NELL1: variants seen among roughly 807,000 people sequenced by gnomAD.
The protein encoded by NELL1 is protein kinase C-binding protein NELL1.
Under a neutral mutation model 107.4 loss-of-function variants are expected in NELL1, and 76 were observed. The observed-to-expected ratio is 0.71, with a 90% CI of 0.59 to 0.86. NELL1 has a LOEUF of 0.86. NELL1 is among the 40% of genes least tolerant of loss of function. The pLI is 0.00. For synonymous variants in NELL1, 353 were observed against 341.2 expected (o/e 1.03, Z -0.38); for missense variants, 1,024 against 1,005.5 (o/e 1.02, Z -0.25).
intron 15 of NELL1, among the ~76,000 whole-genome samples, chr11:21,457,158 A>G (rs1279129764): frequency 6.6e-6 from 1 of 152,204 alleles, no homozygotes; most frequent in Non-Finnish European, 1.5e-5. Context: ...GTTCTACCTG[A>G]GCAAGCAGGA....
chr11:20,757,146 T>G (rs536687685), intron 2 of NELL1, among the ~76,000 whole-genome samples: 1 of 152,104 alleles, frequency 6.6e-6, no homozygotes, highest in Non-Finnish European at 1.5e-5. Context: ...TCTGGCTTCA[T>G]TTTCCTTTAC....
chr11:21,173,150 C>A (rs1327035328), intron 13 of NELL1, among the ~76,000 whole-genome samples: 4 of 151,774 alleles, frequency 2.6e-5, no homozygotes, highest in Non-Finnish European at 5.9e-5. Flanking sequence ...CCTACAACTT[C>A]TCAGAAATAT....
chr11:20,699,388 T>G (rs1454875552), intron 2 of NELL1, among the ~76,000 whole-genome samples: 1 of 151,724 alleles, frequency 6.6e-6, no homozygotes, highest in African/African-American at 2.4e-5. Flanking sequence ...TGAGATGGAG[T>G]CTCGCTCTGT....
At chr11:20,791,782 T>G (rs1205948599) in intron 3 of NELL1, among the ~76,000 whole-genome samples, 1 of 149,436 alleles carries the variant, frequency 6.7e-6, no homozygotes, top group African/African-American at 2.5e-5. Context: ...ATTGGAGAAG[T>G]CTCTTTCTAT....
intron 14 of NELL1, among the ~76,000 whole-genome samples, chr11:21,269,376 T>TCACA (rs375742543): frequency 6.9e-6 from 1 of 145,446 alleles, no homozygotes; most frequent in African/African-American, 2.6e-5. Context: ...TCTCTCTCTC[T>TCACA]CACACACACA....
At chr11:20,993,210 G>A (rs1027836829) in intron 12 of NELL1, among the ~76,000 whole-genome samples, 1 of 152,066 alleles carries the variant, frequency 6.6e-6, no homozygotes, top group South Asian at 2.1e-4. Flanking sequence ...TCTCTACTAA[G>A]TTTCATTTTA....
intron 15 of NELL1, among the ~76,000 whole-genome samples, chr11:21,397,787 G>A (rs80210412): frequency 6.6e-6 from 1 of 151,450 alleles, no homozygotes; most frequent in Non-Finnish European, 1.5e-5. Flanking sequence ...GTCACTTTTG[G>A]ATATGATTAG....
intron 3 of NELL1, among the ~76,000 whole-genome samples, chr11:20,837,966 G>T (rs2134045724): frequency 6.6e-6 from 1 of 152,158 alleles, no homozygotes; most frequent in South Asian, 2.1e-4. Context: ...GAGCTCCACA[G>T]GGTGTCTTCC....
intron 14 of NELL1, among the ~76,000 whole-genome samples, chr11:21,234,380 G>T (rs1369873508): frequency 6.6e-6 from 1 of 152,158 alleles, no homozygotes; most frequent in East Asian, 1.9e-4. Flanking sequence ...CCCTGTAGGA[G>T]CTTCAGGCCC....
chr11:20,684,180 G>C (rs1047801287), intron 2 of NELL1, among the ~76,000 whole-genome samples: 5 of 151,804 alleles, frequency 3.3e-5, no homozygotes, highest in African/African-American at 1.2e-4. Context: ...TTTGAGGCAG[G>C]AGGATTGCTT....
intron 15 of NELL1, among the ~76,000 whole-genome samples, chr11:21,525,357 T>A (rs1253152677): frequency 6.6e-6 from 1 of 152,212 alleles, no homozygotes; most frequent in Non-Finnish European, 1.5e-5. Context: ...TCACCAGATA[T>A]TTTATGAGAC....
intron 2 of NELL1, among the ~76,000 whole-genome samples, chr11:20,710,811 G>A (rs879333208): frequency 1.3e-5 from 2 of 151,906 alleles, no homozygotes; most frequent in African/African-American, 2.4e-5. Flanking sequence ...GTTTGTGTGA[G>A]CAAAGGTGTT....
chr11:21,309,281 T>TATATATATATATATATA (rs1849684958), intron 14 of NELL1, among the ~76,000 whole-genome samples: 1 of 6,628 alleles, frequency 1.5e-4, no homozygotes, highest in Non-Finnish European at 3.1e-4. Context: ...TATATATATG[T>TATATATATATATATATA]ATATATATAT....
At chr11:21,534,979 G>A (rs977549995) in intron 16 of NELL1, among the ~76,000 whole-genome samples, 1 of 152,008 alleles carries the variant, frequency 6.6e-6, no homozygotes, top group Non-Finnish European at 1.5e-5. Context: ...GTAAAAATGA[G>A]GATAACAAGA....
At chr11:20,848,949 A>T (rs1192677840) in intron 4 of NELL1, among the ~76,000 whole-genome samples, 1 of 152,162 alleles carries the variant, frequency 6.6e-6, no homozygotes, top group Non-Finnish European at 1.5e-5. Context: ...AGATATAATA[A>T]ATATGTCTGG....
At chr11:21,118,620 G>A (rs1473675583) in intron 13 of NELL1, among the ~76,000 whole-genome samples, 1 of 152,052 alleles carries the variant, frequency 6.6e-6, no homozygotes, top group East Asian at 1.9e-4. Flanking sequence ...TATTTGTTGG[G>A]AGAAATTGAC....
chr11:21,534,625 AAAT>A, intron 16 of NELL1, 111 bp downstream of exon 16: 1 of 1,159,740 alleles, frequency 8.6e-7, no homozygotes, highest in South Asian at 1.5e-5. Context: ...TTCATTGGTT[AAAT>A]GCATCAGTTT....
chr11:21,141,226 AG>A (rs1437060957), intron 13 of NELL1, among the ~76,000 whole-genome samples: 3 of 152,194 alleles, frequency 2.0e-5, no homozygotes, highest in Non-Finnish European at 4.4e-5. Context: ...CAAGTGCAAA[AG>A]AAATAGAATA....
chr11:21,051,433 G>T (rs1853490154), intron 12 of NELL1, among the ~76,000 whole-genome samples: 1 of 151,954 alleles, frequency 6.6e-6, no homozygotes, highest in African/African-American at 2.4e-5. Flanking sequence ...TTGGGTACGT[G>T]TACACTGCTC....
Sources: gnomAD v4.1 joint callset for allele counts (sites outside exome capture counted in the v4.1 genomes callset) on GRCh38, gnomAD v4.1.1 for gene constraint, MANE v1.5 for transcripts, NCBI Gene and HGNC (gene_info 2026-07-23, HGNC 2026-07-21) for gene names.